The following TFB1M variants were observed in gnomAD, a reference collection of about 807,000 sequenced individuals.
TFB1M encodes the protein dimethyladenosine transferase 1, mitochondrial.
In TFB1M, 27 loss-of-function variants were observed where a neutral mutation model predicts 31.1. The ratio of observed to expected loss-of-function variants is 0.87; its 90% CI spans 0.64 to 1.20. The LOEUF is 1.20. Among genes scored for constraint, TFB1M ranks in the 50% most tolerant of loss-of-function variants. TFB1M has a pLI of 0.00. For synonymous variants in TFB1M, 166 were observed against 151.8 expected (o/e 1.09, Z -0.69); for missense variants, 394 against 418.7 (o/e 0.94, Z 0.51).
chr6:155,233,940 G>A, the TFB1M span, among the ~76,000 whole-genome samples: 3 of 151,206 alleles, frequency 2.0e-5, no homozygotes, highest in East Asian at 1.9e-4. Context: ...TCCAGCCTGG[G>A]TGGCAGAGTG....
intron 5 of TFB1M, among the ~76,000 whole-genome samples, chr6:155,270,654 T>A (rs1267684382): frequency 6.6e-6 from 1 of 152,166 alleles, no homozygotes; most frequent in African/African-American, 2.4e-5. Context: ...AACCCATTTA[T>A]CCTCCAGCCA....
At chr6:155,235,490 G>C in the TFB1M span, among the ~76,000 whole-genome samples, 1 of 152,164 alleles carries the variant, frequency 6.6e-6, no homozygotes, top group Admixed American at 6.5e-5. Flanking sequence ...TGCTGATCAG[G>C]TTCACCCAGA....
the TFB1M span, among the ~76,000 whole-genome samples, chr6:155,233,997 T>G: frequency 1.8e-5 from 2 of 112,054 alleles, no homozygotes; most frequent in African/African-American, 3.2e-5. Context: ...GAGAGAAAAT[T>G]TTTTTTGGGG....
At chr6:155,285,080 G>C in intron 5 of TFB1M, 78 bp downstream of exon 5, 1 of 1,573,256 alleles carries the variant, frequency 6.4e-7, no homozygotes, top group Non-Finnish European at 8.7e-7. Flanking sequence ...AGATCCTAGA[G>C]GTTATTTCCT....
In TFB1M at chr6:155,256,370, G is replaced by A; in HGVS notation, c.*1466C>T. ...ATTACCAGGATAGTTGCTAACTGAAGTCATATCATAAAATAAAATCTTAAT... is the reference window on the plus strand; with the variant it reads ...ATTACCAGGATAGTTGCTAACTGAAATCATATCATAAAATAAAATCTTAAT... On this transcript the variant is annotated 3_prime_UTR_variant, in exon 7 of 7. Transcript: ENST00000367166. 6.8e-7 allele frequency: 1 copy of A among 1,466,398 alleles called. No individual in the cohort carries two copies. Among genetic ancestry groups the A allele is most frequent in the Non-Finnish European group, 9.2e-7 (1 of 1,087,380 alleles). The allele number at this position is 1,466,398 out of a possible 1,614,324, so 90.8% of individuals were successfully genotyped here.
In TFB1M at chr6:155,311,242, G is replaced by A. The variant is rs755500764; in HGVS notation, c.231C>T (p.Asp77=). 1.7e-5 allele frequency: 27 copies of A among 1,613,968 alleles called. No individual in the cohort carries two copies. The highest frequency in any genetic ancestry group is 2.7e-5 in the African/African-American group (2 of 74,910). The stretch of plus-strand genomic sequence containing the variant: ...TTTCAACCACCAGAAGTTCAGCGAC[G>A]TCGGCATTAAGAATAGATCTTGTGA... ...GGITRSILNA[D]VAELLVVEKD... The change falls in exon 2 of 7, where the codon GAC becomes GAT. Residue 77 remains aspartate (D), a synonymous_variant. Coordinates refer to ENST00000367166, the MANE Select transcript of TFB1M (RefSeq NM_016020.4).
the TFB1M span, among the ~76,000 whole-genome samples, chr6:155,236,309 T>C: frequency 2.0e-5 from 3 of 150,958 alleles, no homozygotes; most frequent in Non-Finnish European, 2.9e-5. Flanking sequence ...GTATGAAGAG[T>C]AGACCAGCAG....
chr6:155,247,198 AC>A, the TFB1M span, among the ~76,000 whole-genome samples: 3 of 152,196 alleles, frequency 2.0e-5, no homozygotes, highest in African/African-American at 4.8e-5. Context: ...TTTCCAGATA[AC>A]CCTTAAGTGT....
intron 2 of TFB1M, among the ~76,000 whole-genome samples, chr6:155,301,738 G>A (rs1210715083): frequency 2.6e-5 from 4 of 152,126 alleles, no homozygotes; most frequent in South Asian, 4.1e-4. Context: ...AGAAGAAACC[G>A]AAAATCAAAC....
At chr6:155,235,711 A>C in the TFB1M span, among the ~76,000 whole-genome samples, 1 of 152,238 alleles carries the variant, frequency 6.6e-6, no homozygotes, top group Non-Finnish European at 1.5e-5. Context: ...GCTTTCTAGC[A>C]CTTGAACACT....
At chr6:155,278,584 C>T (rs970376061) in intron 5 of TFB1M, among the ~76,000 whole-genome samples, 6 of 152,206 alleles carry the variant, frequency 3.9e-5, no homozygotes, top group African/African-American at 1.4e-4. Context: ...AACCTAACAA[C>T]TCTACCAGGT....
At chr6:155,295,226 C>T (rs1219591922) in intron 4 of TFB1M, among the ~76,000 whole-genome samples, 5 of 151,830 alleles carry the variant, frequency 3.3e-5, no homozygotes, top group African/African-American at 7.3e-5. Flanking sequence ...ATTAGCCGGG[C>T]GTGGTGGCGG....
At chr6:155,249,212 C>T in the TFB1M span, among the ~76,000 whole-genome samples, 1 of 152,154 alleles carries the variant, frequency 6.6e-6, no homozygotes, top group Non-Finnish European at 1.5e-5. Context: ...TGCTTTTTGG[C>T]TTTTATAAAA....
chr6:155,301,416 C>T (rs1368098099), intron 2 of TFB1M, among the ~76,000 whole-genome samples: 1 of 152,160 alleles, frequency 6.6e-6, no homozygotes, highest in African/African-American at 2.4e-5. Flanking sequence ...TTCTAGCCAA[C>T]CAGTAGCAGA....
At chr6:155,247,548 G>A in the TFB1M span, among the ~76,000 whole-genome samples, 3 of 152,046 alleles carry the variant, frequency 2.0e-5, no homozygotes, top group Non-Finnish European at 2.9e-5. Context: ...GGCTGGTCTC[G>A]AACTCGTGAC....
chr6:155,284,264 A>G (rs1454491067), intron 5 of TFB1M, among the ~76,000 whole-genome samples: 3 of 152,250 alleles, frequency 2.0e-5, no homozygotes, highest in African/African-American at 7.2e-5. Context: ...TCTAGAATCT[A>G]TATCTAAATC....
At chr6:155,240,413 A>T in the TFB1M span, 1 of 1,114,632 alleles carries the variant, frequency 9.0e-7, no homozygotes, top group South Asian at 1.8e-5. Flanking sequence ...TGCCCTACAC[A>T]GAGGCCCCTC....
At chr6:155,242,884 C>T in the TFB1M span, among the ~76,000 whole-genome samples, 10 of 148,694 alleles carry the variant, frequency 6.7e-5, no homozygotes, top group African/African-American at 1.7e-4. Context: ...TACAGGCACC[C>T]GCCACCACAC....
At position 155,257,204 on chromosome 6, in the gene TFB1M, A is replaced by AAC; in HGVS notation, c.*631_*632insGT. ...AGTGGAAATTGCAAAAAAAAAAAAA[A>AAC]AAAAAAACTGTTCATTCCTGGGTTT... is the stretch of plus-strand genomic sequence containing the variant. On this transcript the variant is annotated 3_prime_UTR_variant, in exon 7 of 7. Transcript: ENST00000367166. 1 of 1,421,874 alleles carries AAC rather than the reference A, an allele frequency of 7.0e-7. No homozygotes were observed. The highest frequency in any genetic ancestry group is 2.4e-5 in the East Asian group (1 of 42,496). The allele number at this position is 1,421,874 out of a possible 1,614,324, so 88.1% of individuals were successfully genotyped here. A position where few individuals can be genotyped will look rare whatever the true frequency, so the allele number is the denominator to read the frequency against.
Sources: gnomAD v4.1 joint callset for allele counts (sites outside exome capture counted in the v4.1 genomes callset) on GRCh38, gnomAD v4.1.1 for gene constraint, MANE v1.5 for transcripts, NCBI Gene and HGNC (gene_info 2026-07-23, HGNC 2026-07-21) for gene names.